Variants in PHACTR3 observed in about 807,000 individuals in gnomAD.
PHACTR3 encodes the protein protein phosphatase 1, regulatory subunit 123.
PHACTR3 carries 16 observed loss-of-function variants against 66.8 expected under a neutral mutation model. The observed-to-expected ratio is 0.24, with a 90% CI of 0.16 to 0.36. The LOEUF (loss-of-function observed/expected upper bound fraction) is 0.36, where lower values mean the gene tolerates loss of function less well. Ranked by LOEUF, PHACTR3 falls within the 10% of genes least tolerant of loss-of-function variation. The pLI is 1.00. For synonymous variants in PHACTR3, 323 were observed against 292.1 expected, an observed-to-expected ratio of 1.11 and a Z score of -1.08; for missense variants, 647 against 719.9, an observed-to-expected ratio of 0.90 and a Z score of 1.16.
intron 8 of PHACTR3, among the ~76,000 whole-genome samples, chr20:59,806,420 A>G (rs112829116): frequency 0.059 from 8,934 of 152,294 alleles, 796 homozygotes; most frequent in African/African-American, 0.19. Flanking sequence ...CGGCCTCTAC[A>G]CACTACACCT....
At chr20:59,745,612 C>T (rs185764263) in intron 2 of PHACTR3, among the ~76,000 whole-genome samples, 132 of 152,306 alleles carry the variant, frequency 8.7e-4, no homozygotes, top group African/African-American at 3.0e-3. Flanking sequence ...ACGGGCATCA[C>T]GGGTTAGGAT....
chr20:59,774,843 T>A (rs1336915553), intron 7 of PHACTR3, among the ~76,000 whole-genome samples: 1 of 151,510 alleles, frequency 6.6e-6, no homozygotes, highest in East Asian at 1.9e-4. Flanking sequence ...AGTATATAGT[T>A]GGTGTACAGA....
chr20:59,773,487 G>A, intron 6 of PHACTR3, 34 bp downstream of exon 6: 1 of 1,556,312 alleles, frequency 6.4e-7, no homozygotes, highest in Non-Finnish European at 8.7e-7. Context: ...GACCTGTGCT[G>A]CCAGAATCCC....
intron 1 of PHACTR3, among the ~76,000 whole-genome samples, chr20:59,637,696 TAAAA>T (rs34038040): frequency 2.8e-5 from 4 of 143,198 alleles, no homozygotes; most frequent in Non-Finnish European, 4.5e-5. Context: ...CACAAAGCAT[TAAAA>T]AAAAAAAAAA....
chr20:59,669,806 C>T (rs1407690028), intron 1 of PHACTR3, among the ~76,000 whole-genome samples: 2 of 152,246 alleles, frequency 1.3e-5, no homozygotes, highest in Non-Finnish European at 2.9e-5. Context: ...GTCAGCCCTC[C>T]ATTCCTTTTT....
chr20:59,700,329 C>T lies in PHACTR3; in HGVS notation c.119-42778C>T, dbSNP rs538860187. ...ATTCATCGATGAATCAGTGCTACCT[C>T]GAATAATCTTTTAACCATGTATGCA... On this transcript the variant is annotated intron_variant, in intron 1 of 12. Transcript: ENST00000371015. 1.1e-4 allele frequency among the ~76,000 whole-genome samples: 16 copies of T among 151,742 alleles called. No homozygotes were observed. In the South Asian group the frequency reaches 1.5e-3, roughly 14 times the overall value.
At chr20:59,664,200 G>A (rs906820624) in intron 1 of PHACTR3, among the ~76,000 whole-genome samples, 6 of 152,198 alleles carry the variant, frequency 3.9e-5, no homozygotes, top group Non-Finnish European at 8.8e-5. Flanking sequence ...AAGGAGATAA[G>A]GCTGTGAACA....
At chr20:59,673,432 G>A (rs1484714662) in intron 1 of PHACTR3, among the ~76,000 whole-genome samples, 4 of 152,228 alleles carry the variant, frequency 2.6e-5, no homozygotes, top group African/African-American at 4.8e-5. Flanking sequence ...GGCGCTAAGC[G>A]GGGTGTCTGC....
intron 1 of PHACTR3, among the ~76,000 whole-genome samples, chr20:59,587,226 G>T (rs2033058172): frequency 6.6e-6 from 1 of 152,226 alleles, no homozygotes; most frequent in African/African-American, 2.4e-5. Flanking sequence ...CCCTTTGTTA[G>T]AGTCTTGAGT....
intron 8 of PHACTR3, chr20:59,836,042 C>A: frequency 6.4e-6 from 1 of 155,186 alleles, no homozygotes; most frequent in Non-Finnish European, 1.4e-5. Flanking sequence ...TGGTGTCTCC[C>A]GTGCTGACAA....
intron 8 of PHACTR3, among the ~76,000 whole-genome samples, chr20:59,828,793 T>C (rs1033854425): frequency 9.9e-5 from 15 of 151,982 alleles, no homozygotes; most frequent in African/African-American, 3.6e-4. Flanking sequence ...GTCCTGAGGA[T>C]GGTGGGAACC....
intron 1 of PHACTR3, among the ~76,000 whole-genome samples, chr20:59,702,776 T>C (rs749672074): frequency 2.6e-4 from 39 of 152,228 alleles, no homozygotes; most frequent in Non-Finnish European, 5.3e-4. Context: ...TCTACACATA[T>C]TGTATTCATC....
At chr20:59,726,942 G>A (rs184659811) in intron 1 of PHACTR3, among the ~76,000 whole-genome samples, 2 of 152,044 alleles carry the variant, frequency 1.3e-5, no homozygotes, top group Non-Finnish European at 2.9e-5. Context: ...CAGTGTTTTT[G>A]ATTAAATTCT....
chr20:59,802,890 G>A (rs1378756199), intron 7 of PHACTR3, among the ~76,000 whole-genome samples: 1 of 152,218 alleles, frequency 6.6e-6, no homozygotes, highest in Non-Finnish European at 1.5e-5. Context: ...GTTCCATAGG[G>A]TATTACTGAG....
At chr20:59,590,256 T>C (rs2033147174) in intron 1 of PHACTR3, among the ~76,000 whole-genome samples, 1 of 152,258 alleles carries the variant, frequency 6.6e-6, no homozygotes, top group Non-Finnish European at 1.5e-5. Flanking sequence ...TATTCCCTAG[T>C]GTGGATATAC....
intron 1 of PHACTR3, among the ~76,000 whole-genome samples, chr20:59,726,137 T>C (rs992664536): frequency 2.0e-5 from 3 of 152,238 alleles, no homozygotes; most frequent in East Asian, 1.9e-4. Flanking sequence ...CTTTGAAATA[T>C]GTGATCCTTG....
At chr20:59,780,903 G>A (rs556530658) in intron 7 of PHACTR3, among the ~76,000 whole-genome samples, 1 of 152,330 alleles carries the variant, frequency 6.6e-6, no homozygotes, top group African/African-American at 2.4e-5. Context: ...GTATAGCTTT[G>A]TCTCATTGTG....
intron 7 of PHACTR3, among the ~76,000 whole-genome samples, chr20:59,783,061 C>G (rs1006143262): frequency 1.1e-4 from 17 of 152,182 alleles, no homozygotes; most frequent in African/African-American, 4.1e-4. Flanking sequence ...TACTGAAAGG[C>G]TTCGTGCAGT....
In PHACTR3 at chr20:59,774,309, CAGCGTGG is replaced by C. The variant is rs1197640975; in HGVS notation, c.998_1004del (p.Val333GlyfsTer32). 1 of 1,613,910 alleles carries C rather than the reference CAGCGTGG, an allele frequency of 6.2e-7. No individual in the cohort carries two copies. The highest frequency in any genetic ancestry group is 8.5e-7 in the Non-Finnish European group (1 of 1,179,944). On this transcript the variant is annotated frameshift_variant, in exon 7 of 13. Coordinates refer to ENST00000371015, the MANE Select transcript of PHACTR3 (RefSeq NM_080672.5). LOFTEE classifies it high-confidence loss of function. ...TGGATGTCCGTCTGTCGAGAACGTCCAGCGTGGAGCGGGGCAAGGAGAGGGAGGAGGC... is the reference window on the plus strand; with the variant it reads ...TGGATGTCCGTCTGTCGAGAACGTCCAGCGGGGCAAGGAGAGGGAGGAGGC...
Sources: gnomAD v4.1 joint callset for allele counts (sites outside exome capture counted in the v4.1 genomes callset) on GRCh38, gnomAD v4.1.1 for gene constraint, MANE v1.5 for transcripts, NCBI Gene and HGNC (gene_info 2026-07-23, HGNC 2026-07-21) for gene names.